The following LARP1 variants were observed in gnomAD, a reference collection of about 807,000 sequenced individuals.
LARP1 encodes the protein la-related protein 1.
A neutral mutation model predicts 122.7 loss-of-function variants in LARP1; 36 were observed. The ratio of observed to expected loss-of-function variants is 0.29; its 90% CI spans 0.22 to 0.39. LARP1 has a LOEUF of 0.39. LARP1 is among the 10% of genes least tolerant of loss of function. LARP1 has a pLI of 1.00. For missense variants in LARP1, 1,040 were observed against 1,403.6 expected (o/e 0.74, Z 4.14); for synonymous variants, 539 against 528.7 (o/e 1.02, Z -0.27).
chr5:154,786,318 G>T (rs961093460), intron 1 of LARP1, among the ~76,000 whole-genome samples: 10 of 152,166 alleles, frequency 6.6e-5, no homozygotes, highest in Non-Finnish European at 1.5e-4. Flanking sequence ...TGGGATTACA[G>T]GCATGAGCCA....
rs539339976 is a variant in LARP1 at position 154,687,421 on chromosome 5, A to G, written c.-180+4384A>G. Among the ~76,000 whole-genome samples the G allele has an allele frequency of 3.3e-5, 5 of 152,174 alleles. No homozygotes were observed. In the East Asian group the frequency reaches 5.8e-4, roughly 18 times the overall value. The stretch of plus-strand genomic sequence containing the variant: ...TTGTGAGACGGAGTCTCACTCTGTC[A>G]CCTAGGCCGGAGTGCAGTGGCGTGA... On this transcript the variant is annotated intron_variant, in intron 1 of 18. Coordinates refer to the LARP1 transcript ENST00000687700.
At position 154,793,938 on chromosome 5, in the gene LARP1, C is replaced by T. The variant is rs960042908; in HGVS notation, c.1007C>T (p.Ser336Phe). ...KSDGAGGARA[S>F]FRGRGRGRGR... Reference sequence around the variant, plus strand: ...GATGGGGCTGGTGGGGCGCGGGCTTCCTTCCGTGGCCGTGGACGGGGGCGT... The same window carrying T: ...GATGGGGCTGGTGGGGCGCGGGCTTTCTTCCGTGGCCGTGGACGGGGGCGT... Residue 336 changes from serine (S) to phenylalanine (F), a missense_variant, in exon 6 of 19, where the codon TCC (serine) becomes TTC (phenylalanine). Physicochemically the swap from Ser to Phe is radical, Grantham distance 155. This residue lies in a region of LARP1 where 178 missense variants were observed against 178.3 expected (regional missense o/e 1.00). Coordinates refer to ENST00000518297, the MANE Select transcript of LARP1 (RefSeq NM_033551.3). 6.2e-7 allele frequency: 1 copy of T among 1,613,796 alleles called. No individual in the cohort carries two copies. Among genetic ancestry groups the T allele is most frequent in the Non-Finnish European group, 8.5e-7 (1 of 1,179,758 alleles).
At chr5:154,709,848 C>T (rs975370209), upstream of LARP1, among the ~76,000 whole-genome samples, 2 of 152,044 alleles carry the variant, frequency 1.3e-5, no homozygotes, top group African/African-American at 2.4e-5. Context: ...CTGCAAGCAA[C>T]TGATTTATTA....
chr5:154,784,319 A>G (rs1039177302), intron 1 of LARP1, among the ~76,000 whole-genome samples: 1 of 152,194 alleles, frequency 6.6e-6, no homozygotes, highest in African/African-American at 2.4e-5. Flanking sequence ...CCGTGGGAGC[A>G]CATAGCAGGG....
At chr5:154,808,380 T>C in intron 15 of LARP1, 79 bp from the exon 16 acceptor site, 1 of 1,528,854 alleles carries the variant, frequency 6.5e-7, no homozygotes, top group Non-Finnish European at 8.8e-7. Context: ...GACCAAGTCT[T>C]AAGTTCCAGG....
chr5:154,792,505 C>T (rs1757423188), intron 3 of LARP1, 117 bp from the exon 4 acceptor site: 1 of 884,024 alleles, frequency 1.1e-6, no homozygotes, highest in African/African-American at 1.7e-5. Flanking sequence ...ACATCCCATC[C>T]AGCCTGCCAT....
chr5:154,766,254 A>G (rs1161820843), intron 1 of LARP1, among the ~76,000 whole-genome samples: 7 of 152,186 alleles, frequency 4.6e-5, no homozygotes, highest in Non-Finnish European at 8.8e-5. Context: ...ATTGTATGTG[A>G]GGGGAGTAGC....
chr5:154,799,987 C>T lies in LARP1; in HGVS notation c.1661C>T (p.Ser554Phe). ...GLSASLPDLD[S>F]ENWIEVKKRP... The stretch of plus-strand genomic sequence containing the variant: ...TCTGCCAGCCTGCCTGACCTGGATT[C>T]TGAGAACTGGATTGAAGTGAAGAAG... Residue 554 changes from serine to phenylalanine, a missense_variant, in exon 10 of 19, where the codon TCT becomes TTT. By Grantham distance (155) the Ser-to-Phe change is radical (BLOSUM62 -2). Around this residue, in one of 8 missense-constraint regions of LARP1, gnomAD observed 362 missense variants for 533.1 expected, o/e 0.68. Coordinates refer to ENST00000518297, the MANE Select transcript of LARP1 (RefSeq NM_033551.3). 6.2e-7 allele frequency: 1 copy of T among 1,614,228 alleles called. No individual in the cohort carries two copies. The highest frequency in any genetic ancestry group is 8.5e-7 in the Non-Finnish European group (1 of 1,180,038).
intron 8 of LARP1, 109 bp downstream of exon 8, chr5:154,795,428 TG>T: frequency 9.0e-7 from 1 of 1,105,154 alleles, no homozygotes; most frequent in Non-Finnish European, 1.3e-6. Flanking sequence ...TGATGACTTC[TG>T]CTGAAGTCTC....
Position 154,755,555 on chromosome 5 carries a change from C to CA in LARP1, c.-203_-202insA. ...CAGAGTGGGGGGCCTTCCTCCCCCC[C>CA]CGCCCCGCTAGTGGGCCTCGGATTT... On this transcript the variant is annotated 5_prime_UTR_variant, in exon 1 of 19. Transcript: ENST00000518297. 1.0e-6 allele frequency: 1 copy of CA among 987,544 alleles called. No homozygotes were observed. The highest frequency in any genetic ancestry group is 1.1e-4 in the East Asian group (1 of 8,732). 61.2% of individuals were successfully genotyped at this position (987,544 alleles called of 1,614,324 possible).
At chr5:154,740,414 G>A (rs6580114) in intron 1 of LARP1, among the ~76,000 whole-genome samples, 18,258 of 125,676 alleles carry the variant, frequency 0.15, 1,318 homozygotes, top group African/African-American at 0.26. Context: ...AAAAAAAAAA[G>A]ATTAAATTAC....
chr5:154,772,208 AATC>A (rs1227602773), intron 1 of LARP1, among the ~76,000 whole-genome samples: 1 of 137,670 alleles, frequency 7.3e-6, no homozygotes, highest in Non-Finnish European at 1.5e-5. Flanking sequence ...CAGTTTTAAT[AATC>A]TAATATATTC....
chr5:154,751,900 T>A (rs116081973), upstream of LARP1, among the ~76,000 whole-genome samples: 11,633 of 152,234 alleles, frequency 0.076, 509 homozygotes, highest in Admixed American at 0.14. Flanking sequence ...TTTAGAAATA[T>A]ATGCATATAA....
upstream of LARP1, among the ~76,000 whole-genome samples, chr5:154,712,670 G>A (rs751623343): frequency 2.4e-4 from 37 of 152,296 alleles, no homozygotes; most frequent in Middle Eastern, 3.4e-3. Context: ...GAGACTCAGC[G>A]GGTTGCCACC....
At chr5:154,778,132 C>T (rs533551867) in intron 1 of LARP1, among the ~76,000 whole-genome samples, 72 of 151,844 alleles carry the variant, frequency 4.7e-4, no homozygotes, top group Non-Finnish European at 8.4e-4. Flanking sequence ...TGGTGGTGGG[C>T]GCCTGTAGTC....
intron 1 of LARP1, among the ~76,000 whole-genome samples, chr5:154,698,198 G>A (rs1754556881): frequency 6.6e-6 from 1 of 152,158 alleles, no homozygotes; most frequent in Admixed American, 6.5e-5. Context: ...TATATACAAT[G>A]TGTAATCATC....
chr5:154,695,060 A>G (rs1754404052), intron 1 of LARP1, among the ~76,000 whole-genome samples: 1 of 152,110 alleles, frequency 6.6e-6, no homozygotes, highest in East Asian at 1.9e-4. Flanking sequence ...TCACGCCTGT[A>G]ATCCCGGCAC....
chr5:154,781,025 A>G (rs1426464605), intron 1 of LARP1, among the ~76,000 whole-genome samples: 1 of 151,950 alleles, frequency 6.6e-6, no homozygotes, highest in Admixed American at 6.6e-5. Flanking sequence ...ATTGTGCCAC[A>G]CCCACTGCAC....
At chr5:154,750,592 T>C (rs1753434625), upstream of LARP1, among the ~76,000 whole-genome samples, 1 of 151,504 alleles carries the variant, frequency 6.6e-6, no homozygotes, top group Non-Finnish European at 1.5e-5. Context: ...TTTGGACCCA[T>C]TTTATTAATT....
Sources: allele counts gnomAD v4.1 joint callset (sites outside exome capture counted in the v4.1 genomes callset), GRCh38; gene constraint gnomAD v4.1.1; regional missense constraint gnomAD v4.1.1; transcripts MANE v1.5; gene names NCBI Gene and HGNC (gene_info 2026-07-23, HGNC 2026-07-21).